Variants in PSMD1 observed in about 807,000 individuals in gnomAD.
The protein encoded by PSMD1 is 26S proteasome non-ATPase regulatory subunit 1.
In PSMD1, 18 loss-of-function variants were observed where a neutral mutation model predicts 119.0. That is an observed-to-expected ratio of 0.15 (90% CI 0.10 to 0.22). PSMD1 has a LOEUF of 0.22. Among genes scored for constraint, PSMD1 ranks in the 10% least tolerant of loss-of-function variants. The pLI, the probability that PSMD1 is intolerant of heterozygous loss-of-function variation, is 1.00. For missense variants in PSMD1, 702 were observed against 1,158.5 expected (o/e 0.61, Z 5.72); for synonymous variants, 374 against 396.6 (o/e 0.94, Z 0.68).
At chr2:231,127,481 A>T (rs943297877) in intron 16 of PSMD1, among the ~76,000 whole-genome samples, 1 of 152,036 alleles carries the variant, frequency 6.6e-6, no homozygotes, top group African/African-American at 2.4e-5. Context: ...CAGCCTCCCA[A>T]GTAGCTGGGA....
At chr2:231,139,899 G>A (rs1696064613) in intron 17 of PSMD1, among the ~76,000 whole-genome samples, 1 of 152,166 alleles carries the variant, frequency 6.6e-6, no homozygotes, top group African/African-American at 2.4e-5. Context: ...ATAAAGAAAT[G>A]TGCTATTGCA....
At position 231,143,244 on chromosome 2, in the gene PSMD1, G is replaced by C. The variant is rs573778462; in HGVS notation, c.1999-2996G>C. On this transcript the variant is annotated intron_variant, in intron 17 of 24. Coordinates refer to ENST00000308696, the MANE Select transcript of PSMD1 (RefSeq NM_002807.4). ...GTTTGGTTTGGTTTGGTTTGGTTTG[G>C]TTTAAGACAGAGTCTTGCTCTGTTG... 1.2e-4 allele frequency among the ~76,000 whole-genome samples: 16 copies of C among 130,586 alleles called. No homozygotes were observed. The East Asian group carries it at 3.6e-3, about 29-fold the overall frequency. The allele number at this position is 130,586 out of a possible 152,430, so 85.7% of individuals were successfully genotyped here. A position where few individuals can be genotyped will look rare whatever the true frequency, so the allele number is the denominator to read the frequency against.
Position 231,078,692 on chromosome 2 carries a change from A to T in PSMD1, c.1105A>T (p.Thr369Ser), listed in dbSNP as rs1033454926. 2.5e-6 allele frequency: 4 copies of T among 1,609,494 alleles called. No individual in the cohort carries two copies. The highest frequency in any genetic ancestry group is 3.4e-6 in the Non-Finnish European group (4 of 1,178,534). ...ACGGAATTCTGTATGTCATACTGCAACCGTTATAGCAAACTCTTTTATGCA... is the reference window on the plus strand; with the variant it reads ...ACGGAATTCTGTATGTCATACTGCATCCGTTATAGCAAACTCTTTTATGCA... The part of the protein sequence containing the change: ...AVRNSVCHTA[T>S]VIANSFMHCG... Residue 369 changes from threonine to serine, a missense_variant, in exon 10 of 25, where the codon ACC becomes TCC. By Grantham distance (58) the Thr-to-Ser change is moderately conservative. Around this residue, in one of 9 missense-constraint regions of PSMD1, gnomAD observed 272 missense variants for 511.6 expected, o/e 0.53. Coordinates refer to ENST00000308696, the MANE Select transcript of PSMD1 (RefSeq NM_002807.4).
intron 21 of PSMD1, among the ~76,000 whole-genome samples, chr2:231,164,237 A>AT (rs1448485349): frequency 1.3e-5 from 2 of 152,184 alleles, no homozygotes; most frequent in African/African-American, 4.8e-5. Flanking sequence ...CTGTGTGAGT[A>AT]TATCTGTAGG....
Position 231,149,920 on chromosome 2 carries a change from TGAAG to T in PSMD1, c.2115+3569_2115+3572del, listed in dbSNP as rs1457056315. On this transcript the variant is annotated intron_variant, in intron 18 of 24. Transcript: ENST00000308696. ...CATGATAGCATCAACAAGAATATTT[TGAAG>T]GAAGAATACAGATAATATTCATTTC... 3.3e-5 allele frequency among the ~76,000 whole-genome samples: 5 copies of T among 152,308 alleles called. 1 individual carries two copies. The East Asian group carries it at 9.6e-4, about 29-fold the overall frequency.
chr2:231,152,514 A>G (rs888200138), intron 18 of PSMD1, among the ~76,000 whole-genome samples: 3 of 152,214 alleles, frequency 2.0e-5, no homozygotes, highest in African/African-American at 7.2e-5. Flanking sequence ...TGAGGTTCAT[A>G]AAAGGTAGTA....
intron 24 of PSMD1, among the ~76,000 whole-genome samples, chr2:231,171,613 A>G (rs1426653879): frequency 6.8e-6 from 1 of 146,390 alleles, no homozygotes; most frequent in Non-Finnish European, 1.5e-5. Context: ...CTGGAGTGCA[A>G]TGGCGCAAAC....
In PSMD1 at chr2:231,093,398, C is replaced by A. The variant is rs189954135; in HGVS notation, c.1883+6217C>A. 1.3e-4 allele frequency among the ~76,000 whole-genome samples: 20 copies of A among 152,278 alleles called. No individual in the cohort carries two copies. The East Asian group carries it at 2.7e-3, about 21-fold the overall frequency. On this transcript the variant is annotated intron_variant, in intron 16 of 24. Coordinates refer to ENST00000308696, the MANE Select transcript of PSMD1 (RefSeq NM_002807.4). ...TTCTTCAGCATCCCCCAGGTAAAGT[C>A]CGGGGCTTGTGTCATCCTAGGAAGC...
intron 16 of PSMD1, among the ~76,000 whole-genome samples, chr2:231,088,208 ATGGTAATT>A (rs1447937070): frequency 3.3e-5 from 5 of 152,280 alleles, no homozygotes; most frequent in Admixed American, 3.3e-4. Flanking sequence ...TGTATTAATA[ATGGTAATT>A]GTAGTAGTTG....
intron 16 of PSMD1, among the ~76,000 whole-genome samples, chr2:231,126,858 A>G (rs935242476): frequency 6.6e-6 from 1 of 152,108 alleles, no homozygotes; most frequent in Admixed American, 6.5e-5. Context: ...TATGGGAAGC[A>G]TAGCTGAGAA....
intron 19 of PSMD1, among the ~76,000 whole-genome samples, chr2:231,160,645 C>G (rs943647350): frequency 1.3e-5 from 2 of 152,076 alleles, no homozygotes; most frequent in Non-Finnish European, 2.9e-5. Context: ...TAAAACTTTG[C>G]TTTTTATTAA....
At chr2:231,114,642 G>A (rs761373596) in intron 16 of PSMD1, among the ~76,000 whole-genome samples, 6 of 152,078 alleles carry the variant, frequency 3.9e-5, no homozygotes, top group Admixed American at 6.5e-5. Flanking sequence ...AGGGTTAGAC[G>A]TAGTACTTAA....
At chr2:231,058,283 C>G (rs1693661601) in intron 1 of PSMD1, among the ~76,000 whole-genome samples, 1 of 152,142 alleles carries the variant, frequency 6.6e-6, no homozygotes, top group East Asian at 1.9e-4. Flanking sequence ...CCCAAACCAC[C>G]TTCATCTCTT....
At chr2:231,086,622 A>C (rs1694449118) in intron 15 of PSMD1, among the ~76,000 whole-genome samples, 1 of 152,192 alleles carries the variant, frequency 6.6e-6, no homozygotes. Context: ...GTGCCACTGC[A>C]CTCCAGCCTG....
chr2:231,137,742 A>G (rs1462048096), intron 16 of PSMD1, among the ~76,000 whole-genome samples: 1 of 152,018 alleles, frequency 6.6e-6, no homozygotes, highest in Non-Finnish European at 1.5e-5. Context: ...CTTTATGTCC[A>G]TGAATACCCA....
chr2:231,108,602 T>C (rs371551817), intron 16 of PSMD1: 4 of 1,614,010 alleles, frequency 2.5e-6, no homozygotes, highest in Non-Finnish European at 3.4e-6. Context: ...TGATGAAGAC[T>C]GAATGGTTGA....
rs116476280 is a variant in PSMD1 at position 231,155,048 on chromosome 2, G to A, written c.2218+1382G>A. 3.6e-3 allele frequency among the ~76,000 whole-genome samples: 555 copies of A among 152,264 alleles called. 5 individuals carry two copies. Among genetic ancestry groups the A allele is most frequent in the African/African-American group, 0.013 (526 of 41,552 alleles). The stretch of plus-strand genomic sequence containing the variant: ...GAGTTCATTTGACATATGCCTTAAC[G>A]TTATTATTGGTGACCTCTCAATAGG... On this transcript the variant is annotated intron_variant, in intron 19 of 24. Coordinates refer to ENST00000308696, the MANE Select transcript of PSMD1 (RefSeq NM_002807.4).
rs544515272 is a variant in PSMD1 at position 231,063,832 on chromosome 2, T to G, written c.304+1157T>G. On this transcript the variant is annotated intron_variant, in intron 4 of 24. Coordinates refer to ENST00000308696, the MANE Select transcript of PSMD1 (RefSeq NM_002807.4). ...CTTATCTCTTTTATTTGATGGATTT[T>G]TTTTTTTTTGAAAACAGGGCAGGAT... Among the ~76,000 whole-genome samples, 11 of 152,252 alleles carry G rather than the reference T, an allele frequency of 7.2e-5. No individual in the cohort carries two copies. The East Asian group carries it at 2.1e-3, about 29-fold the overall frequency.
intron 17 of PSMD1, among the ~76,000 whole-genome samples, chr2:231,139,662 A>G (rs1403616886): frequency 1.3e-5 from 2 of 151,952 alleles, no homozygotes; most frequent in African/African-American, 4.8e-5. Context: ...TACATGTTTA[A>G]TTTGTATAAT....
Sources: allele counts gnomAD v4.1 joint callset (sites outside exome capture counted in the v4.1 genomes callset), GRCh38; gene constraint gnomAD v4.1.1; regional missense constraint gnomAD v4.1.1; transcripts MANE v1.5; gene names NCBI Gene and HGNC (gene_info 2026-07-23, HGNC 2026-07-21).